The following PPM1B variants were observed in gnomAD, a reference collection of about 807,000 sequenced individuals.
PPM1B encodes the protein protein phosphatase, Mg2+/Mn2+ dependent 1B, also known as protein phosphatase 1B.
In PPM1B, 22 loss-of-function variants were observed where a neutral mutation model predicts 43.0. The ratio of observed to expected loss-of-function variants is 0.51; its 90% CI spans 0.37 to 0.73. PPM1B has a LOEUF of 0.73. Ranked by LOEUF, PPM1B falls within the 30% of genes least tolerant of loss-of-function variation. PPM1B has a pLI of 0.00. For synonymous variants in PPM1B, 217 were observed against 197.9 expected (o/e 1.10, Z -0.81); for missense variants, 632 against 584.2 (o/e 1.08, Z -0.84).
intron 5 of PPM1B, among the ~76,000 whole-genome samples, chr2:44,228,528 C>T (rs1398788527): frequency 6.6e-6 from 1 of 152,144 alleles, no homozygotes; most frequent in East Asian, 1.9e-4. Context: ...TCTAATAAAA[C>T]ATTGCCATTT....
Position 44,230,843 on chromosome 2 carries a change from G to T in PPM1B, c.*125G>T. On this transcript the variant is annotated 3_prime_UTR_variant, in exon 6 of 6. Transcript: ENST00000282412. The stretch of plus-strand genomic sequence containing the variant: ...AAACTAGTTTTATTATATTCAGATA[G>T]CCTTGTTTTTTAAAAAGGCCTTTGC... The T allele has an allele frequency of 6.9e-7, 1 of 1,441,288 alleles. No individual in the cohort carries two copies. Among genetic ancestry groups the T allele is most frequent in the East Asian group, 2.5e-5 (1 of 40,248 alleles). The allele number at this position is 1,441,288 out of a possible 1,614,324, so 89.3% of individuals were successfully genotyped here.
At chr2:44,232,614 T>C, downstream of PPM1B, 1 of 1,260,730 alleles carries the variant, frequency 7.9e-7, no homozygotes, top group Non-Finnish European at 1.0e-6. Flanking sequence ...TAGAAACCAG[T>C]GGAGTTATTT....
intron 1 of PPM1B, among the ~76,000 whole-genome samples, chr2:44,180,874 T>C (rs1384131751): frequency 6.6e-6 from 1 of 151,926 alleles, no homozygotes; most frequent in Non-Finnish European, 1.5e-5. Flanking sequence ...AGCAAAAATG[T>C]TAAAAGGAAT....
At chr2:44,193,672 C>G (rs1485876877) in intron 1 of PPM1B, among the ~76,000 whole-genome samples, 1 of 149,422 alleles carries the variant, frequency 6.7e-6, no homozygotes, top group East Asian at 2.0e-4. Context: ...CTCTGTCTCT[C>G]AGGTTCAAGT....
chr2:44,245,107 A>T (rs1332647215), downstream of PPM1B, among the ~76,000 whole-genome samples: 5 of 152,062 alleles, frequency 3.3e-5, no homozygotes. Context: ...GCGCTTTCAC[A>T]CCAAAAACAC....
intron 5 of PPM1B, among the ~76,000 whole-genome samples, chr2:44,227,051 G>A (rs951852757): frequency 6.6e-6 from 1 of 151,748 alleles, no homozygotes; most frequent in African/African-American, 2.4e-5. Context: ...ATGGCTTACT[G>A]TAATCTCAAC....
chr2:44,210,459 G>C (rs1430779169), intron 3 of PPM1B, among the ~76,000 whole-genome samples: 1 of 151,992 alleles, frequency 6.6e-6, no homozygotes, highest in South Asian at 2.1e-4. Context: ...GACTCAAGCA[G>C]TCCTCCCACA....
At chr2:44,217,067 CG>C (rs1432643014) in intron 3 of PPM1B, among the ~76,000 whole-genome samples, 1 of 151,352 alleles carries the variant, frequency 6.6e-6, no homozygotes, top group Non-Finnish European at 1.5e-5. Context: ...TGGAAGTCAA[CG>C]TAAGGGTCTT....
At chr2:44,221,208 T>C (rs915338252) in intron 5 of PPM1B, among the ~76,000 whole-genome samples, 2 of 152,192 alleles carry the variant, frequency 1.3e-5, no homozygotes, top group African/African-American at 2.4e-5. Flanking sequence ...TACATAGATA[T>C]GTGGATTAAA....
intron 1 of PPM1B, among the ~76,000 whole-genome samples, chr2:44,171,969 A>T (rs965515742): frequency 1.3e-5 from 2 of 152,236 alleles, no homozygotes; most frequent in Admixed American, 1.3e-4. Context: ...AATGCAACAT[A>T]CAGTATTTTA....
chr2:44,199,960 T>C (rs1668856285), intron 1 of PPM1B, among the ~76,000 whole-genome samples: 1 of 152,154 alleles, frequency 6.6e-6, no homozygotes, highest in Non-Finnish European at 1.5e-5. Context: ...CTCACAAAGA[T>C]ACGTAGACCC....
chr2:44,215,893 C>T (rs763838144), intron 3 of PPM1B, among the ~76,000 whole-genome samples: 4 of 151,876 alleles, frequency 2.6e-5, no homozygotes, highest in African/African-American at 4.8e-5. Flanking sequence ...TTTGAGCAGC[C>T]GTGCTTGGAG....
chr2:44,205,125 A>G (rs954289089), intron 2 of PPM1B, among the ~76,000 whole-genome samples: 2 of 152,156 alleles, frequency 1.3e-5, no homozygotes, highest in African/African-American at 4.8e-5. Flanking sequence ...AATGATACAT[A>G]CTTATTAATC....
chr2:44,207,253 C>G (rs1258436183), intron 2 of PPM1B, among the ~76,000 whole-genome samples: 2 of 152,138 alleles, frequency 1.3e-5, no homozygotes, highest in Non-Finnish European at 2.9e-5. Flanking sequence ...TTCTGAAAGG[C>G]ATAAGTCTGA....
intron 1 of PPM1B, among the ~76,000 whole-genome samples, chr2:44,181,410 C>T (rs1667868756): frequency 6.6e-6 from 1 of 152,144 alleles, no homozygotes; most frequent in Non-Finnish European, 1.5e-5. Context: ...AAAACCACTG[C>T]ATCTTTTAGG....
chr2:44,192,708 C>T (rs888714968), intron 1 of PPM1B, among the ~76,000 whole-genome samples: 11 of 152,188 alleles, frequency 7.2e-5, no homozygotes, highest in Non-Finnish European at 1.6e-4. Context: ...CTTTGACCAA[C>T]ATCTCCCCAT....
downstream of PPM1B, among the ~76,000 whole-genome samples, chr2:44,246,258 T>A (rs550056264): frequency 6.6e-6 from 1 of 152,314 alleles, no homozygotes; most frequent in South Asian, 2.1e-4. Flanking sequence ...TGAACTAGAT[T>A]TTCTGGCAAC....
intron 5 of PPM1B, chr2:44,244,222 C>A: frequency 7.8e-7 from 1 of 1,284,046 alleles, no homozygotes; most frequent in Non-Finnish European, 1.0e-6. Context: ...CTATCATATC[C>A]ACCAGATGGC....
At chr2:44,244,820 G>GATATAT (rs542334922), downstream of PPM1B, among the ~76,000 whole-genome samples, 2,534 of 129,782 alleles carry the variant, frequency 0.02, 84 homozygotes, top group African/African-American at 0.068. Context: ...AATTACTTGA[G>GATATAT]ATATATATAT....
Sources: gnomAD v4.1 joint callset for allele counts (sites outside exome capture counted in the v4.1 genomes callset) on GRCh38, gnomAD v4.1.1 for gene constraint, MANE v1.5 for transcripts, NCBI Gene and HGNC (gene_info 2026-07-23, HGNC 2026-07-21) for gene names.